The following ERC1 variants were observed in gnomAD, a reference collection of about 807,000 sequenced individuals.
ERC1 encodes the protein ELKS/RAB6-interacting/CAST family member 1.
ERC1 carries 56 observed loss-of-function variants against 132.0 expected under a neutral mutation model. That is an observed-to-expected ratio of 0.42 (90% CI 0.34 to 0.53). The LOEUF (loss-of-function observed/expected upper bound fraction) is 0.53. Ranked by LOEUF, ERC1 falls within the 20% of genes least tolerant of loss-of-function variation. The pLI, the probability that ERC1 is intolerant of heterozygous loss-of-function variation, is 0.03. For missense variants in ERC1, 1,202 were observed against 1,349.9 expected (o/e 0.89, Z 1.72); for synonymous variants, 478 against 476.1 (o/e 1.00, Z -0.05).
At chr12:1,124,110 T>C (rs1947881831) in intron 7 of ERC1, among the ~76,000 whole-genome samples, 1 of 152,240 alleles carries the variant, frequency 6.6e-6, no homozygotes, top group Admixed American at 6.5e-5. Context: ...ACATAAAGTT[T>C]TAATAACATT....
At chr12:1,258,763 AT>A (rs1474189944) in intron 13 of ERC1, among the ~76,000 whole-genome samples, 1 of 152,256 alleles carries the variant, frequency 6.6e-6, no homozygotes, top group Non-Finnish European at 1.5e-5. Flanking sequence ...GGAATTTCTT[AT>A]CATAATTCTG....
At chr12:1,454,526 A>T (rs904380128) in intron 18 of ERC1, among the ~76,000 whole-genome samples, 1 of 152,230 alleles carries the variant, frequency 6.6e-6, no homozygotes, top group Non-Finnish European at 1.5e-5. Flanking sequence ...CACTGTCTCC[A>T]GGTAACTAGT....
chr12:1,194,196 G>A (rs1254866491), intron 12 of ERC1, among the ~76,000 whole-genome samples: 5 of 152,138 alleles, frequency 3.3e-5, no homozygotes, highest in Non-Finnish European at 4.4e-5. Flanking sequence ...TGAGGCAGGC[G>A]GATCACCTGA....
intron 15 of ERC1, among the ~76,000 whole-genome samples, chr12:1,369,353 T>C (rs1319529194): frequency 6.6e-6 from 1 of 152,252 alleles, no homozygotes; most frequent in Non-Finnish European, 1.5e-5. Context: ...ATTTTTACTA[T>C]GTCATATTAC....
At chr12:1,247,224 G>C (rs1041522289) in intron 13 of ERC1, among the ~76,000 whole-genome samples, 1 of 151,668 alleles carries the variant, frequency 6.6e-6, no homozygotes, top group Non-Finnish European at 1.5e-5. Context: ...GTGAGACCCT[G>C]TCTCAAAAAA....
At chr12:1,442,946 C>G (rs141422381) in intron 17 of ERC1, among the ~76,000 whole-genome samples, 43 of 152,180 alleles carry the variant, frequency 2.8e-4, no homozygotes, top group Non-Finnish European at 3.8e-4. Flanking sequence ...CTCGCTCTAT[C>G]GCTCAGGCTG....
intron 4 of ERC1, among the ~76,000 whole-genome samples, chr12:1,107,752 G>T (rs531376023): frequency 6.6e-6 from 1 of 152,284 alleles, no homozygotes; most frequent in South Asian, 2.1e-4. Flanking sequence ...GGGTGAAAAG[G>T]AGTATGAGCT....
rs150833230 is a variant in ERC1, at chr12:1,358,884, T to C, written c.2781-12949T>C. On this transcript the variant is annotated intron_variant, in intron 15 of 18. Coordinates refer to ENST00000360905, the MANE Select transcript of ERC1 (RefSeq NM_178040.4). ...GCACTCTGGATTGATTTTCATATGC[T>C]AAATCATTTAGAATTTCCATATCCA... Among the ~76,000 whole-genome samples the C allele has an allele frequency of 5.5e-3, 844 of 152,364 alleles. 8 individuals are homozygous for C. The highest frequency in any genetic ancestry group is 0.019 in the African/African-American group (802 of 41,590).
At chr12:1,410,835 T>C (rs1005283693) in intron 17 of ERC1, among the ~76,000 whole-genome samples, 12 of 152,024 alleles carry the variant, frequency 7.9e-5, no homozygotes, top group Non-Finnish European at 1.8e-4. Flanking sequence ...CAATAGAAAA[T>C]TGATCAAGTA....
At chr12:1,181,862 A>C (rs1954511300) in intron 9 of ERC1, 63 bp from the exon 10 acceptor site, 3 of 1,491,466 alleles carry the variant, frequency 2.0e-6, no homozygotes, top group Non-Finnish European at 2.7e-6. Flanking sequence ...TGCTAAAAGC[A>C]GAATTACAGT....
chr12:1,046,809 G>T (rs1378726435), intron 2 of ERC1, among the ~76,000 whole-genome samples: 1 of 152,168 alleles, frequency 6.6e-6, no homozygotes, highest in Non-Finnish European at 1.5e-5. Context: ...TGGCTGTTAG[G>T]TGGCAGAGGC....
intron 14 of ERC1, among the ~76,000 whole-genome samples, chr12:1,273,181 A>G (rs903626407): frequency 6.6e-6 from 1 of 152,196 alleles, no homozygotes; most frequent in African/African-American, 2.4e-5. Flanking sequence ...AGATACGGAA[A>G]TTTTAAAACC....
chr12:1,210,022 G>A (rs1957720811), intron 12 of ERC1, among the ~76,000 whole-genome samples: 2 of 152,168 alleles, frequency 1.3e-5, no homozygotes, highest in Non-Finnish European at 2.9e-5. Context: ...TAGAGCAAAA[G>A]CACTGTTTTC....
intron 18 of ERC1, among the ~76,000 whole-genome samples, chr12:1,487,340 T>C (rs1425822235): frequency 6.7e-6 from 1 of 149,532 alleles, no homozygotes; most frequent in East Asian, 1.9e-4. Context: ...CTTTTCTTTT[T>C]CTTGCCCTGT....
chr12:1,405,169 A>AAATAAATGAATG (rs2091385781), intron 16 of ERC1, among the ~76,000 whole-genome samples: 1 of 148,730 alleles, frequency 6.7e-6, no homozygotes, highest in African/African-American at 2.4e-5. Context: ...ATAAATAAAT[A>AAATAAATGAATG]AATAAATAAA....
intron 12 of ERC1, among the ~76,000 whole-genome samples, chr12:1,230,810 A>G (rs1372524125): frequency 6.6e-6 from 1 of 152,164 alleles, no homozygotes; most frequent in African/African-American, 2.4e-5. Flanking sequence ...GAATTGACCC[A>G]TTTATTGTTG....
At position 1,412,378 on chromosome 12, in the gene ERC1, A is replaced by G. The variant is rs561370038; in HGVS notation, c.3024+4131A>G. 3.3e-5 allele frequency among the ~76,000 whole-genome samples: 5 copies of G among 152,342 alleles called. No individual in the cohort carries two copies. The East Asian group carries it at 9.6e-4, about 29-fold the overall frequency. On this transcript the variant is annotated intron_variant, in intron 17 of 18. Coordinates refer to ENST00000360905, the MANE Select transcript of ERC1 (RefSeq NM_178040.4). ...TGAGCCTTACTTGATGTATCCATAG[A>G]TGGGAAGAGAATCACAGATGTACTG... is the stretch of plus-strand genomic sequence containing the variant.
intron 17 of ERC1, among the ~76,000 whole-genome samples, chr12:1,409,184 G>A (rs1262543400): frequency 6.6e-6 from 1 of 152,198 alleles, no homozygotes; most frequent in African/African-American, 2.4e-5. Context: ...TTATGATGAC[G>A]TTTCCTAAGC....
chr12:1,194,775 A>G (rs913401835), intron 12 of ERC1, among the ~76,000 whole-genome samples: 1 of 152,184 alleles, frequency 6.6e-6, no homozygotes, highest in African/African-American at 2.4e-5. Context: ...TCTGATTTTC[A>G]TATAATTTAG....
Sources: allele counts gnomAD v4.1 joint callset (sites outside exome capture counted in the v4.1 genomes callset), GRCh38; gene constraint gnomAD v4.1.1; transcripts MANE v1.5; gene names NCBI Gene and HGNC (gene_info 2026-07-23, HGNC 2026-07-21).